TNRC6A: variants seen among roughly 807,000 people sequenced by gnomAD.
TNRC6A encodes the protein trinucleotide repeat-containing gene 6A protein.
A neutral mutation model predicts 221.2 loss-of-function variants in TNRC6A; 44 were observed. That is an observed-to-expected ratio of 0.20 (90% CI 0.16 to 0.26). TNRC6A has a LOEUF of 0.26. Ranked by LOEUF, TNRC6A falls within the 10% of genes least tolerant of loss-of-function variation. The probability of loss-of-function intolerance (pLI) is 1.00; values close to 1 mark genes in which losing one functional copy is unlikely to be tolerated. For synonymous variants in TNRC6A, 847 were observed against 838.5 expected, an observed-to-expected ratio of 1.01 and a Z score of -0.18; for missense variants, 2,199 against 2,404.4, an observed-to-expected ratio of 0.91 and a Z score of 1.79.
At chr16:24,813,088 G>T (rs2058582387) in intron 18 of TNRC6A, among the ~76,000 whole-genome samples, 1 of 151,826 alleles carries the variant, frequency 6.6e-6, no homozygotes, top group Non-Finnish European at 1.5e-5. Flanking sequence ...TGTTGCCCAG[G>T]CTGGTCTCAA....
chr16:24,734,861 C>G (rs1453492879), intron 2 of TNRC6A, among the ~76,000 whole-genome samples: 2 of 152,116 alleles, frequency 1.3e-5, no homozygotes, highest in Admixed American at 1.3e-4. Flanking sequence ...GATTTGTCCC[C>G]CCATAAACCA....
intron 2 of TNRC6A, among the ~76,000 whole-genome samples, chr16:24,670,407 C>T (rs1327091559): frequency 6.6e-6 from 1 of 152,128 alleles, no homozygotes; most frequent in East Asian, 1.9e-4. Flanking sequence ...AGAAACAACC[C>T]TTCCCGCAAG....
chr16:24,692,219 T>C (rs2055769521), intron 2 of TNRC6A, among the ~76,000 whole-genome samples: 1 of 152,148 alleles, frequency 6.6e-6, no homozygotes, highest in East Asian at 1.9e-4. Context: ...TCATCCTTCT[T>C]GGTCTATTTC....
intron 1 of TNRC6A, among the ~76,000 whole-genome samples, chr16:24,616,755 A>C (rs1267876969): frequency 1.3e-5 from 2 of 152,062 alleles, no homozygotes; most frequent in Non-Finnish European, 2.9e-5. Flanking sequence ...CAACATGGCG[A>C]AACCCCGTCT....
At position 24,804,771 on chromosome 16, in the gene TNRC6A, C is replaced by G; in HGVS notation, c.3904C>G (p.Pro1302Ala). The G allele has an allele frequency of 6.2e-7, 1 of 1,608,776 alleles. No individual in the cohort carries two copies. Among genetic ancestry groups the G allele is most frequent in the Non-Finnish European group, 8.5e-7 (1 of 1,178,970 alleles). ...GTCCAGTCAAAGCATGAAGCTTCCC[C>G]CTTCAAATAGTGCACTACCTAACCA... Reference protein sequence around the residue: ...FMSSQSMKLPPSNSALPNQAL... With the variant: ...FMSSQSMKLPASNSALPNQAL... The change falls in exon 13 of 25, where the codon CCT (proline) becomes GCT (alanine). Residue 1302 changes from proline (P) to alanine (A), a missense_variant. Physicochemically the swap from Pro to Ala is conservative, Grantham distance 27 (BLOSUM62 -1). Transcript: ENST00000395799.
chr16:24,730,155 C>G, intron 1 of TNRC6A, 98 bp from the exon 2 acceptor site: 2 of 1,286,080 alleles, frequency 1.6e-6, no homozygotes, highest in Non-Finnish European at 2.1e-6. Context: ...CCATCCGGCC[C>G]CGGCGCGAGC....
intron 4 of TNRC6A, among the ~76,000 whole-genome samples, chr16:24,767,172 C>A (rs751966941): frequency 6.6e-6 from 1 of 152,106 alleles, no homozygotes; most frequent in South Asian, 2.1e-4. Flanking sequence ...GGATGAGATA[C>A]GAGGCAAGAA....
chr16:24,727,304 C>T (rs2056508991), upstream of TNRC6A, among the ~76,000 whole-genome samples: 1 of 152,158 alleles, frequency 6.6e-6, no homozygotes, highest in African/African-American at 2.4e-5. Flanking sequence ...GCTGGGATTA[C>T]AGGCATGAGC....
chr16:24,649,393 C>T (rs567419722), intron 2 of TNRC6A, among the ~76,000 whole-genome samples: 84 of 152,170 alleles, frequency 5.5e-4, no homozygotes, highest in African/African-American at 1.7e-3. Context: ...ACTGAAACCT[C>T]GAACTCCTGG....
At chr16:24,760,476 G>A (rs1007493420) in intron 4 of TNRC6A, among the ~76,000 whole-genome samples, 2 of 152,158 alleles carry the variant, frequency 1.3e-5, no homozygotes, top group Admixed American at 6.5e-5. Context: ...GATAGGCTGA[G>A]TATATGAAGG....
chr16:24,650,628 A>G (rs914617296), intron 2 of TNRC6A, among the ~76,000 whole-genome samples: 1 of 151,786 alleles, frequency 6.6e-6, no homozygotes, highest in African/African-American at 2.4e-5. Context: ...TTATGCCACT[A>G]TACTTGAGCC....
chr16:24,735,228 G>A (rs1355261247), intron 2 of TNRC6A, among the ~76,000 whole-genome samples: 4 of 152,160 alleles, frequency 2.6e-5, no homozygotes, highest in African/African-American at 4.8e-5. Context: ...GCAGTGAGCC[G>A]AGATTGTGCC....
At chr16:24,634,163 G>A (rs540880046) in intron 1 of TNRC6A, among the ~76,000 whole-genome samples, 6 of 152,226 alleles carry the variant, frequency 3.9e-5, no homozygotes, top group Non-Finnish European at 5.9e-5. Context: ...AATTGGGCTG[G>A]GCGCAGTGGT....
Position 24,804,228 on chromosome 16 carries a change from G to A in TNRC6A, c.3746G>A (p.Gly1249Asp), listed in dbSNP as rs747594096. ...ATAGATAAACATAGCCTAAATATTG[G>A]TGATTACAATCGAACGGTCGGGAAA... ...MEIDKHSLNI[G>D]DYNRTVGKGP... The change falls in exon 12 of 25, where the codon GGT becomes GAT. Residue 1249 changes from glycine to aspartate, a missense_variant. Physicochemically the swap from Gly to Asp is moderately conservative, Grantham distance 94. Coordinates refer to ENST00000395799, the MANE Select transcript of TNRC6A (RefSeq NM_014494.4). 6.2e-7 allele frequency: 1 copy of A among 1,613,522 alleles called. No individual in the cohort carries two copies. The highest frequency in any genetic ancestry group is 8.5e-7 in the Non-Finnish European group (1 of 1,179,898).
intron 3 of TNRC6A, among the ~76,000 whole-genome samples, chr16:24,755,165 G>A (rs1217126774): frequency 6.6e-6 from 1 of 152,140 alleles, no homozygotes. Flanking sequence ...TAGACTGAGT[G>A]CTGATTGCTA....
At chr16:24,675,702 C>CTCTCTCTCTCTA (rs1180245687) in intron 2 of TNRC6A, among the ~76,000 whole-genome samples, 8 of 33,266 alleles carry the variant, frequency 2.4e-4, no homozygotes, top group Non-Finnish European at 3.7e-4. Context: ...CTCTCTCTCT[C>CTCTCTCTCTCTA]TATATATATA....
At position 24,729,671 on chromosome 16, in the gene TNRC6A, G is replaced by T; in HGVS notation, c.-171G>T. ...CATTCACTTCCGGTCTGGGGCCTGC[G>T]GCGGCGGCGGTGTCGGCGGCGGCGG... On this transcript the variant is annotated 5_prime_UTR_variant, in exon 1 of 25. Coordinates refer to ENST00000395799, the MANE Select transcript of TNRC6A (RefSeq NM_014494.4). 2.9e-6 allele frequency: 2 copies of T among 678,586 alleles called. No homozygotes were observed. Among genetic ancestry groups the T allele is most frequent in the Non-Finnish European group, 4.1e-6 (2 of 491,508 alleles). The allele number at this position is 678,586 out of a possible 1,614,324, so 42.0% of individuals were successfully genotyped here. A position where few individuals can be genotyped will look rare whatever the true frequency, so the allele number is the denominator to read the frequency against.
intron 2 of TNRC6A, among the ~76,000 whole-genome samples, chr16:24,694,438 G>A (rs1306894829): frequency 2.0e-5 from 3 of 151,700 alleles, no homozygotes; most frequent in Non-Finnish European, 4.4e-5. Flanking sequence ...GGTGGATCAC[G>A]AGGCCAGGAG....
intron 1 of TNRC6A, among the ~76,000 whole-genome samples, chr16:24,620,515 G>A (rs1900611865): frequency 6.6e-6 from 1 of 152,158 alleles, no homozygotes; most frequent in Admixed American, 6.5e-5. Context: ...CAGGCTGGGT[G>A]TTCTGGCTCA....
Sources: allele counts gnomAD v4.1 joint callset (sites outside exome capture counted in the v4.1 genomes callset), GRCh38; gene constraint gnomAD v4.1.1; transcripts MANE v1.5; gene names NCBI Gene and HGNC (gene_info 2026-07-23, HGNC 2026-07-21).